Variants in DYM observed in about 807,000 individuals in gnomAD.
DYM encodes dymeclin, also known as dyggve-Melchior-Clausen syndrome protein.
DYM carries 78 observed loss-of-function variants against 93.1 expected under a neutral mutation model. The ratio of observed to expected loss-of-function variants is 0.84; its 90% CI spans 0.70 to 1.01. The LOEUF is 1.01. Ranked by LOEUF, DYM falls within the 50% of genes least tolerant of loss-of-function variation. The probability of loss-of-function intolerance (pLI) is 0.00; values close to 1 mark genes in which losing one functional copy is unlikely to be tolerated. For synonymous variants in DYM, 321 were observed against 319.7 expected, an observed-to-expected ratio of 1.00 and a Z score of -0.04; for missense variants, 789 against 845.0, an observed-to-expected ratio of 0.93 and a Z score of 0.82.
At chr18:49,258,573 T>A in intron 11 of DYM, 80 bp from the exon 12 acceptor site, 1 of 908,786 alleles carries the variant, frequency 1.1e-6, no homozygotes, top group Non-Finnish European at 1.8e-6. Context: ...CAATTTTTGA[T>A]AAACGATGAC....
chr18:49,051,297 C>A (rs75458231), intron 17 of DYM, among the ~76,000 whole-genome samples: 29 of 152,344 alleles, frequency 1.9e-4, no homozygotes, highest in East Asian at 9.6e-4. Flanking sequence ...ACCAGGTGAG[C>A]CCAGGCTGGG....
At chr18:49,347,247 G>A (rs1003000254) in intron 6 of DYM, among the ~76,000 whole-genome samples, 1 of 152,104 alleles carries the variant, frequency 6.6e-6, no homozygotes, top group African/African-American at 2.4e-5. Context: ...TAACTATGGA[G>A]GCCAATGGAA....
intron 2 of DYM, among the ~76,000 whole-genome samples, chr18:49,417,420 G>A (rs954634300): frequency 6.6e-6 from 1 of 152,050 alleles, no homozygotes; most frequent in Non-Finnish European, 1.5e-5. Flanking sequence ...AAAATGCTGG[G>A]AATACAGGGA....
At chr18:49,303,007 G>C (rs1477130012) in intron 8 of DYM, among the ~76,000 whole-genome samples, 1 of 152,210 alleles carries the variant, frequency 6.6e-6, no homozygotes, top group Non-Finnish European at 1.5e-5. Flanking sequence ...GTGGTTTTCA[G>C]TGAGTCTAGC....
chr18:49,087,338 T>C (rs2078634801), intron 17 of DYM, among the ~76,000 whole-genome samples: 1 of 152,234 alleles, frequency 6.6e-6, no homozygotes, highest in Non-Finnish European at 1.5e-5. Context: ...GATGCAATAA[T>C]AATAAAGACT....
intron 7 of DYM, 100 bp from the exon 8 acceptor site, chr18:49,332,106 A>T (rs781710132): frequency 1.5e-5 from 18 of 1,236,102 alleles, no homozygotes; most frequent in Non-Finnish European, 2.0e-5. Flanking sequence ...CTATCTGTTA[A>T]TACAAAAGGG....
At chr18:49,223,667 G>A (rs2093435359) in intron 13 of DYM, among the ~76,000 whole-genome samples, 1 of 152,028 alleles carries the variant, frequency 6.6e-6, no homozygotes, top group African/African-American at 2.4e-5. Flanking sequence ...GATGAAACTT[G>A]AAATAGATGA....
At chr18:49,053,257 G>C (rs1485636201) in intron 17 of DYM, among the ~76,000 whole-genome samples, 1 of 152,154 alleles carries the variant, frequency 6.6e-6, no homozygotes, top group Non-Finnish European at 1.5e-5. Context: ...CATCTCTGCT[G>C]TCAGTCATGT....
intron 15 of DYM, among the ~76,000 whole-genome samples, chr18:49,161,463 C>T (rs79262124): frequency 2.0e-4 from 31 of 152,254 alleles, no homozygotes; most frequent in Middle Eastern, 3.4e-3. Context: ...CTACATAAAT[C>T]AAATAATAAT....
intron 13 of DYM, among the ~76,000 whole-genome samples, chr18:49,228,189 CA>C (rs2144317883): frequency 6.6e-6 from 1 of 152,222 alleles, no homozygotes; most frequent in Admixed American, 6.5e-5. Flanking sequence ...AGTAAATGGA[CA>C]AAAACTAATG....
At chr18:49,251,645 C>T (rs1260274002) in intron 13 of DYM, among the ~76,000 whole-genome samples, 3 of 152,178 alleles carry the variant, frequency 2.0e-5, no homozygotes, top group Admixed American at 6.5e-5. Context: ...AATGTCAACG[C>T]ACTTCATCCT....
chr18:49,141,033 T>C (rs776792775), intron 15 of DYM, among the ~76,000 whole-genome samples: 1 of 152,224 alleles, frequency 6.6e-6, no homozygotes, highest in African/African-American at 2.4e-5. Flanking sequence ...CTTGTGGTTT[T>C]TCTGATTCCT....
intron 8 of DYM, among the ~76,000 whole-genome samples, chr18:49,324,122 C>A: frequency 9.7e-6 from 1 of 102,722 alleles, no homozygotes. Context: ...GTGACAGAGC[C>A]AGATAGGCTC....
chr18:49,170,651 G>A (rs1401070064), intron 14 of DYM, among the ~76,000 whole-genome samples: 3 of 151,648 alleles, frequency 2.0e-5, no homozygotes, highest in Admixed American at 1.3e-4. Flanking sequence ...GTGGTGGCAC[G>A]TGCCTGTAAT....
chr18:49,395,246 G>A (rs1225556702), intron 2 of DYM, among the ~76,000 whole-genome samples: 1 of 151,798 alleles, frequency 6.6e-6, no homozygotes, highest in Non-Finnish European at 1.5e-5. Flanking sequence ...TCTGACAAGG[G>A]ACTCATCCAG....
At chr18:49,207,331 T>C (rs1033673376) in intron 14 of DYM, among the ~76,000 whole-genome samples, 2 of 152,130 alleles carry the variant, frequency 1.3e-5, no homozygotes, top group African/African-American at 2.4e-5. Flanking sequence ...CACAAAACCA[T>C]AGGAGAGATA....
In DYM at chr18:49,294,042, A is replaced by T. The variant is rs569194297; in HGVS notation, c.764-7426T>A. Among the ~76,000 whole-genome samples, 3 of 152,304 alleles carry T rather than the reference A, an allele frequency of 2.0e-5. No homozygotes were observed. The East Asian group carries it at 5.8e-4, about 29-fold the overall frequency. ...TTCAGTTTTCTGCACATGGTTAGCC[A>T]GTTTTCCCAACACCACTGATTAAAT... On this transcript the variant is annotated intron_variant, in intron 8 of 17. Transcript: ENST00000675505.
chr18:49,108,648 C>A (rs549832839), intron 16 of DYM, among the ~76,000 whole-genome samples: 2 of 152,316 alleles, frequency 1.3e-5, no homozygotes, highest in South Asian at 4.2e-4. Flanking sequence ...TGTTTTACGG[C>A]CCCATACATG....
intron 2 of DYM, among the ~76,000 whole-genome samples, 173 bp from the exon 3 acceptor site, chr18:49,391,818 A>G (rs953623018): frequency 6.6e-6 from 1 of 152,168 alleles, no homozygotes; most frequent in Admixed American, 6.5e-5. Flanking sequence ...TTTTCAATAT[A>G]ATTAGGAAAT....
Sources: allele counts gnomAD v4.1 joint callset (sites outside exome capture counted in the v4.1 genomes callset), GRCh38; gene constraint gnomAD v4.1.1; transcripts MANE v1.5; gene names NCBI Gene and HGNC (gene_info 2026-07-23, HGNC 2026-07-21).